The following EGFLAM variants were observed in gnomAD, a reference collection of about 807,000 sequenced individuals.
EGFLAM encodes pikachurin.
EGFLAM carries 79 observed loss-of-function variants against 113.1 expected under a neutral mutation model. The ratio of observed to expected loss-of-function variants is 0.70; its 90% CI spans 0.58 to 0.84. EGFLAM has a LOEUF of 0.84. EGFLAM is among the 40% of genes least tolerant of loss of function. EGFLAM has a pLI of 0.00. For synonymous variants in EGFLAM, 504 were observed against 487.6 expected, an observed-to-expected ratio of 1.03 and a Z score of -0.44; for missense variants, 1,265 against 1,291.6, an observed-to-expected ratio of 0.98 and a Z score of 0.32.
intron 10 of EGFLAM, among the ~76,000 whole-genome samples, chr5:38,411,042 A>AT (rs1741460379): frequency 6.6e-6 from 1 of 152,104 alleles, no homozygotes; most frequent in East Asian, 1.9e-4. Context: ...CTTTCTTATG[A>AT]TTTTTCCTTT....
intron 1 of EGFLAM, among the ~76,000 whole-genome samples, chr5:38,268,413 AT>A (rs5867400): frequency 0.62 from 93,686 of 151,818 alleles, 29,921 homozygotes; most frequent in African/African-American, 0.77. Flanking sequence ...CTTGTGAGAG[AT>A]TTTTCTGTGC....
At chr5:38,409,367 C>T (rs1254342968) in intron 10 of EGFLAM, among the ~76,000 whole-genome samples, 1 of 152,132 alleles carries the variant, frequency 6.6e-6, no homozygotes, top group Non-Finnish European at 1.5e-5. Flanking sequence ...TAGAGTGTAC[C>T]TGGTCCTGGG....
At chr5:38,439,060 A>G (rs919794054) in intron 17 of EGFLAM, among the ~76,000 whole-genome samples, 2 of 152,244 alleles carry the variant, frequency 1.3e-5, no homozygotes, top group African/African-American at 4.8e-5. Flanking sequence ...GGGTTATAGT[A>G]TTGACTAAAT....
intron 15 of EGFLAM, among the ~76,000 whole-genome samples, chr5:38,434,294 C>A (rs568792426): frequency 1.3e-5 from 2 of 152,322 alleles, no homozygotes; most frequent in African/African-American, 4.8e-5. Context: ...TGTCCGGCAC[C>A]CAGGTGCACC....
At chr5:38,438,481 C>T (rs773759791) in intron 17 of EGFLAM, 26 bp downstream of exon 17, 35 of 1,547,958 alleles carry the variant, frequency 2.3e-5, no homozygotes, top group Non-Finnish European at 2.6e-5. Flanking sequence ...TGAGGCACAG[C>T]TCCCTGGAGG....
chr5:38,327,256 T>G (rs923356548), intron 1 of EGFLAM, among the ~76,000 whole-genome samples: 1 of 152,192 alleles, frequency 6.6e-6, no homozygotes, highest in Non-Finnish European at 1.5e-5. Context: ...TGGTGCAAAC[T>G]TCACGAAGCA....
At chr5:38,426,439 C>T (rs1742012203) in intron 13 of EGFLAM, among the ~76,000 whole-genome samples, 1 of 152,228 alleles carries the variant, frequency 6.6e-6, no homozygotes, top group Non-Finnish European at 1.5e-5. Context: ...AGGCTAAGAT[C>T]ACAAAACTAG....
chr5:38,323,509 A>C (rs969420906), intron 1 of EGFLAM, among the ~76,000 whole-genome samples: 3 of 152,230 alleles, frequency 2.0e-5, no homozygotes, highest in African/African-American at 4.8e-5. Context: ...TTAGTTTCAA[A>C]TGCTATGTTT....
chr5:38,381,451 A>G (rs1740510568), intron 6 of EGFLAM, among the ~76,000 whole-genome samples: 1 of 152,216 alleles, frequency 6.6e-6, no homozygotes, highest in Admixed American at 6.5e-5. Context: ...ATGTACAAAT[A>G]TAAATGAGAA....
chr5:38,303,226 A>C (rs1758638239), intron 1 of EGFLAM, among the ~76,000 whole-genome samples: 1 of 152,228 alleles, frequency 6.6e-6, no homozygotes, highest in Non-Finnish European at 1.5e-5. Context: ...CTCTTCAATC[A>C]GTGAAAAATT....
intron 1 of EGFLAM, among the ~76,000 whole-genome samples, chr5:38,299,794 A>T (rs2111821911): frequency 6.6e-6 from 1 of 152,178 alleles, no homozygotes; most frequent in East Asian, 1.9e-4. Flanking sequence ...TTCTGCAATG[A>T]TTGAAAGCTG....
chr5:38,348,549 TCA>T (rs1277521451), intron 3 of EGFLAM, among the ~76,000 whole-genome samples: 2 of 152,194 alleles, frequency 1.3e-5, no homozygotes, highest in African/African-American at 4.8e-5. Context: ...TGAGATGCAC[TCA>T]CTGGATTCAT....
intron 4 of EGFLAM, among the ~76,000 whole-genome samples, chr5:38,351,959 A>T (rs921372530): frequency 6.6e-6 from 1 of 152,184 alleles, no homozygotes; most frequent in African/African-American, 2.4e-5. Context: ...AGGGGAGACC[A>T]GCTCTCATTG....
intron 3 of EGFLAM, among the ~76,000 whole-genome samples, chr5:38,339,859 T>G (rs1464686235): frequency 6.6e-6 from 1 of 152,222 alleles, no homozygotes; most frequent in Non-Finnish European, 1.5e-5. Flanking sequence ...AATAGACTTT[T>G]GCTTCGGCAC....
At position 38,258,737 on chromosome 5, in the gene EGFLAM, G is replaced by T. The variant is rs771380721; in HGVS notation, c.-18G>T. The stretch of plus-strand genomic sequence containing the variant: ...TGCGCCCGGGACTTGGTGAAACTTT[G>T]CAGGCGCCGGCTGCGAAATGGATTT... On this transcript the variant is annotated 5_prime_UTR_variant, in exon 1 of 22. Transcript: ENST00000322350. The T allele has an allele frequency of 1.9e-6, 3 of 1,598,854 alleles. No individual in the cohort carries two copies. In the East Asian group the frequency reaches 6.8e-5, roughly 36 times the overall value.
At chr5:38,346,308 G>A (rs1025486157) in intron 3 of EGFLAM, among the ~76,000 whole-genome samples, 23 of 152,140 alleles carry the variant, frequency 1.5e-4, no homozygotes, top group Admixed American at 1.2e-3. Context: ...AATATTGTTT[G>A]TTGTTGATTT....
chr5:38,414,498 G>C (rs1741580920), intron 11 of EGFLAM, among the ~76,000 whole-genome samples: 1 of 152,190 alleles, frequency 6.6e-6, no homozygotes, highest in African/African-American at 2.4e-5. Context: ...TGTTAACGGA[G>C]TCATAGCATC....
rs1027693567 is a variant in EGFLAM at position 38,406,936 on chromosome 5, T to C, written c.937T>C (p.Ser313Pro). The change falls in exon 8 of 22, where the codon TCA becomes CCA. Residue 313 changes from serine to proline, a missense_variant. Transcript: ENST00000322350. ...CATTTCTAGGCTCATCCCCCCTACC[T>C]CAGCATCTCTCCCTGTGACCACGGT... ...KTISRLIPPTSASLPVTTVAP... is the reference protein window; with the variant it reads ...KTISRLIPPTPASLPVTTVAP... 1 of 1,614,182 alleles carries C rather than the reference T, an allele frequency of 6.2e-7. No individual in the cohort carries two copies. The highest frequency in any genetic ancestry group is 1.3e-5 in the African/African-American group (1 of 75,060).
At chr5:38,361,040 A>G (rs1157171415) in intron 5 of EGFLAM, among the ~76,000 whole-genome samples, 20 of 114,974 alleles carry the variant, frequency 1.7e-4, no homozygotes, top group Admixed American at 2.6e-4. Flanking sequence ...TTTTTTTTGT[A>G]TTTTTAGTAG....
Sources: allele counts gnomAD v4.1 joint callset (sites outside exome capture counted in the v4.1 genomes callset), GRCh38; gene constraint gnomAD v4.1.1; transcripts MANE v1.5; gene names NCBI Gene and HGNC (gene_info 2026-07-23, HGNC 2026-07-21).